The following ANKS1B variants were observed in gnomAD, a reference collection of about 807,000 sequenced individuals.
ANKS1B encodes ankyrin repeat and sterile alpha motif domain-containing protein 1B.
In ANKS1B, 36 loss-of-function variants were observed where a neutral mutation model predicts 148.3. That is an observed-to-expected ratio of 0.24 (90% CI 0.19 to 0.32). The LOEUF is 0.32. Among genes scored for constraint, ANKS1B ranks in the 10% least tolerant of loss-of-function variants. ANKS1B has a pLI of 1.00. For synonymous variants in ANKS1B, 542 were observed against 560.8 expected, an observed-to-expected ratio of 0.97 and a Z score of 0.47; for missense variants, 1,157 against 1,542.6, an observed-to-expected ratio of 0.75 and a Z score of 4.19.
At chr12:99,973,102 T>C (rs2095580338) in intron 1 of ANKS1B, among the ~76,000 whole-genome samples, 3 of 152,230 alleles carry the variant, frequency 2.0e-5, no homozygotes, top group African/African-American at 7.2e-5. Flanking sequence ...GGCAGTGCAC[T>C]AGTCACACAA....
chr12:98,834,250 G>A (rs1172471589), intron 17 of ANKS1B, among the ~76,000 whole-genome samples: 1 of 152,154 alleles, frequency 6.6e-6, no homozygotes, highest in Non-Finnish European at 1.5e-5. Context: ...GACATCCTCA[G>A]GACTTTCTCC....
At chr12:99,815,732 G>C (rs2069030534) in intron 2 of ANKS1B, among the ~76,000 whole-genome samples, 1 of 151,704 alleles carries the variant, frequency 6.6e-6, no homozygotes, top group South Asian at 2.1e-4. Flanking sequence ...TTAGAAGTGA[G>C]AACGCATGGT....
At chr12:99,597,459 C>A (rs1272196815) in intron 9 of ANKS1B, among the ~76,000 whole-genome samples, 1 of 152,010 alleles carries the variant, frequency 6.6e-6, no homozygotes, top group Non-Finnish European at 1.5e-5. Flanking sequence ...CCTCCATGTA[C>A]TTCTGATCTT....
chr12:99,563,447 T>G (rs191816328), intron 9 of ANKS1B, among the ~76,000 whole-genome samples: 7 of 152,104 alleles, frequency 4.6e-5, no homozygotes, highest in African/African-American at 1.7e-4. Flanking sequence ...TCTCAGGGAG[T>G]AGGGAGGCCT....
chr12:98,931,061 G>T (rs1028821397), intron 17 of ANKS1B, among the ~76,000 whole-genome samples: 3 of 152,136 alleles, frequency 2.0e-5, no homozygotes, highest in Middle Eastern at 3.4e-3. Context: ...GGCTTTTAAG[G>T]CACGAGGAGC....
intron 12 of ANKS1B, among the ~76,000 whole-genome samples, chr12:99,321,213 C>A (rs1043245664): frequency 1.3e-5 from 2 of 152,188 alleles, no homozygotes; most frequent in Admixed American, 6.5e-5. Context: ...GCTGGGAGAA[C>A]CACTACTCTC....
chr12:98,781,312 CAA>C (rs1491304215), intron 23 of ANKS1B, 109 bp from the exon 24 acceptor site: 3 of 662,448 alleles, frequency 4.5e-6, no homozygotes, highest in Non-Finnish European at 5.5e-6. Context: ...AAAACAACAA[CAA>C]CACACACACA....
chr12:98,783,551 C>A (rs1264234199), intron 22 of ANKS1B, among the ~76,000 whole-genome samples: 1 of 152,130 alleles, frequency 6.6e-6, no homozygotes, highest in African/African-American at 2.4e-5. Flanking sequence ...CAGAGTGGGG[C>A]CAGTCTTCAT....
intron 1 of ANKS1B, among the ~76,000 whole-genome samples, chr12:99,913,663 T>C (rs58316677): frequency 0.039 from 5,867 of 152,236 alleles, 359 homozygotes; most frequent in African/African-American, 0.13. Flanking sequence ...CATCATCTTA[T>C]TTTTATAGTT....
intron 1 of ANKS1B, among the ~76,000 whole-genome samples, chr12:99,899,094 G>A (rs1036806145): frequency 1.6e-4 from 24 of 152,132 alleles, no homozygotes; most frequent in Admixed American, 1.0e-3. Flanking sequence ...CAGTGATTAC[G>A]TTAATAACCC....
intron 11 of ANKS1B, among the ~76,000 whole-genome samples, chr12:99,403,466 C>G (rs1368379112): frequency 1.5e-5 from 2 of 133,828 alleles, no homozygotes; most frequent in African/African-American, 6.0e-5. Flanking sequence ...CCCCAATGCC[C>G]ACTTTTTAAT....
Position 99,501,174 on chromosome 12 carries a change from T to C in ANKS1B, c.1438+3302A>G, listed in dbSNP as rs369517314. ...TATCTTCAGGCTCACTTTTTCTTTA[T>C]AATGGCACAGTCATTGTATAGTCTA... On this transcript the variant is annotated intron_variant, in intron 10 of 26. Coordinates refer to ENST00000683438, the MANE Select transcript of ANKS1B (RefSeq NM_001352186.2). Among the ~76,000 whole-genome samples, 47 of 152,324 alleles carry C rather than the reference T, an allele frequency of 3.1e-4. 1 individual carries two copies. In the South Asian group the frequency reaches 8.9e-3, roughly 29 times the overall value.
chr12:99,342,616 A>G (rs1408517742), intron 12 of ANKS1B, among the ~76,000 whole-genome samples: 1 of 152,048 alleles, frequency 6.6e-6, no homozygotes, highest in Non-Finnish European at 1.5e-5. Context: ...ATATTTAGAA[A>G]AGAAAAGGCG....
At chr12:99,891,594 T>G (rs1418527345) in intron 1 of ANKS1B, among the ~76,000 whole-genome samples, 3 of 152,098 alleles carry the variant, frequency 2.0e-5, no homozygotes, top group African/African-American at 7.2e-5. Flanking sequence ...TATTAGCCAT[T>G]TGTAGATCTT....
rs79045619 is a variant in ANKS1B, at chr12:99,165,246, C to G, written c.2420-10851G>C. Among the ~76,000 whole-genome samples the G allele has an allele frequency of 4.1e-3, 616 of 151,662 alleles. 26 individuals carry two copies. In the East Asian group the frequency reaches 0.085, roughly 21 times the overall value. On this transcript the variant is annotated intron_variant, in intron 14 of 26. Transcript: ENST00000683438. ...AATGAAAGTAAGAAGAAAGATAACT[C>G]CAACAAAAATAAGCAGAAGTAAGGA...
At chr12:98,763,844 G>C (rs946948315) in intron 25 of ANKS1B, among the ~76,000 whole-genome samples, 1 of 152,142 alleles carries the variant, frequency 6.6e-6, no homozygotes, top group African/African-American at 2.4e-5. Flanking sequence ...ATTTTTAAAG[G>C]GGGTGAGCGT....
chr12:99,129,379 T>C (rs962254727), intron 15 of ANKS1B, among the ~76,000 whole-genome samples: 2 of 151,844 alleles, frequency 1.3e-5, no homozygotes, highest in Admixed American at 6.6e-5. Flanking sequence ...GCATGGAGGG[T>C]GGGGCAAGAC....
intron 25 of ANKS1B, among the ~76,000 whole-genome samples, chr12:98,761,347 A>G (rs1230457781): frequency 6.6e-6 from 1 of 152,226 alleles, no homozygotes; most frequent in Non-Finnish European, 1.5e-5. Context: ...AAGTTCCTTC[A>G]TACTTAAGTC....
At chr12:99,961,989 G>C (rs1333814181) in intron 1 of ANKS1B, among the ~76,000 whole-genome samples, 1 of 152,188 alleles carries the variant, frequency 6.6e-6, no homozygotes, top group African/African-American at 2.4e-5. Context: ...GTTAAGAAAA[G>C]AGTAGAAATC....
Sources: gnomAD v4.1 joint callset for allele counts (sites outside exome capture counted in the v4.1 genomes callset) on GRCh38, gnomAD v4.1.1 for gene constraint, MANE v1.5 for transcripts, NCBI Gene and HGNC (gene_info 2026-07-23, HGNC 2026-07-21) for gene names.